DPH6: variants seen among roughly 807,000 people sequenced by gnomAD.
DPH6 encodes the protein diphthine--ammonia ligase.
A neutral mutation model predicts 38.2 loss-of-function variants in DPH6; 33 were observed. The ratio of observed to expected loss-of-function variants is 0.86; its 90% confidence interval spans 0.65 to 1.15. The LOEUF is 1.15. DPH6 is among the 50% of genes most tolerant of loss of function. DPH6 has a pLI of 0.00. For synonymous variants in DPH6, 108 were observed against 103.0 expected (o/e 1.05, Z -0.30); for missense variants, 325 against 320.0 (o/e 1.02, Z -0.12).
At chr15:35,276,382 T>C (rs536190609) in intron 3 of DPH6, among the ~76,000 whole-genome samples, 4 of 152,348 alleles carry the variant, frequency 2.6e-5, no homozygotes, top group African/African-American at 7.2e-5. Context: ...ACTCTGTGGG[T>C]TGTCTGTTTA....
At chr15:35,164,686 C>T in the DPH6 span, among the ~76,000 whole-genome samples, 3 of 151,768 alleles carry the variant, frequency 2.0e-5, no homozygotes, top group Admixed American at 6.6e-5. Flanking sequence ...TACCCTATGC[C>T]TTTGGCTTAG....
chr15:35,506,695 A>G (rs1329084764), intron 3 of DPH6, among the ~76,000 whole-genome samples: 3 of 152,304 alleles, frequency 2.0e-5, no homozygotes, highest in Non-Finnish European at 4.4e-5. Context: ...ACTGTAGCTC[A>G]TTGTCATGAT....
At chr15:35,376,205 C>T (rs1754033884) in intron 7 of DPH6, among the ~76,000 whole-genome samples, 1 of 152,136 alleles carries the variant, frequency 6.6e-6, no homozygotes, top group African/African-American at 2.4e-5. Flanking sequence ...TGTTCTACCC[C>T]ACCCTGAGCT....
chr15:35,185,724 CTT>C, the DPH6 span, among the ~76,000 whole-genome samples: 311 of 82,974 alleles, frequency 3.7e-3, no homozygotes, highest in African/African-American at 8.6e-3. Flanking sequence ...CCAATCCACT[CTT>C]TTTTTTTTTT....
the DPH6 span, among the ~76,000 whole-genome samples, chr15:35,158,976 C>G: frequency 2.6e-5 from 4 of 152,120 alleles, no homozygotes; most frequent in Non-Finnish European, 4.4e-5. Context: ...ACTCACTGGT[C>G]TCATCTTAAA....
chr15:35,364,910 G>C (rs1400941969), intron 3 of DPH6, among the ~76,000 whole-genome samples: 2 of 151,670 alleles, frequency 1.3e-5, no homozygotes, highest in Non-Finnish European at 2.9e-5. Flanking sequence ...ATGTATTTTT[G>C]AGCTTCTCAC....
intron 3 of DPH6, among the ~76,000 whole-genome samples, chr15:35,272,666 T>C (rs1213401651): frequency 6.6e-6 from 1 of 152,048 alleles, no homozygotes; most frequent in Admixed American, 6.5e-5. Flanking sequence ...CCTAGCACTT[T>C]GGGAGGCCGA....
intron 3 of DPH6, among the ~76,000 whole-genome samples, chr15:35,255,752 A>C (rs1313116910): frequency 6.6e-6 from 1 of 152,188 alleles, no homozygotes; most frequent in Admixed American, 6.5e-5. Flanking sequence ...GCACACTGTT[A>C]AATAACAAAA....
At chr15:35,324,009 G>GA (rs1171046573) in intron 3 of DPH6, among the ~76,000 whole-genome samples, 1 of 152,178 alleles carries the variant, frequency 6.6e-6, no homozygotes, top group Non-Finnish European at 1.5e-5. Context: ...GGGTAAAGCA[G>GA]AGGCATCAAA....
At chr15:35,291,424 C>T (rs1595463508) in intron 3 of DPH6, among the ~76,000 whole-genome samples, 1 of 151,244 alleles carries the variant, frequency 6.6e-6, no homozygotes, top group East Asian at 1.9e-4. Flanking sequence ...AAATAAGCAT[C>T]ACATAAACCA....
chr15:35,152,518 A>C, the DPH6 span, among the ~76,000 whole-genome samples: 1 of 152,140 alleles, frequency 6.6e-6, no homozygotes, highest in African/African-American at 2.4e-5. Context: ...TATTTTTTTG[A>C]GATGGAGTTC....
chr15:35,373,646 C>T (rs374900471), intron 7 of DPH6, 38 bp from the exon 8 acceptor site: 3 of 1,550,910 alleles, frequency 1.9e-6, no homozygotes, highest in Non-Finnish European at 2.6e-6. Flanking sequence ...TTATATGCTA[C>T]AAAAATTGTG....
chr15:35,182,220 A>ATTTTTT, the DPH6 span, among the ~76,000 whole-genome samples: 17 of 86,034 alleles, frequency 2.0e-4, 1 homozygote, highest in African/African-American at 3.1e-4. Flanking sequence ...AACTCTAAGA[A>ATTTTTT]TTTTTTTTTT....
intron 3 of DPH6, among the ~76,000 whole-genome samples, chr15:35,259,271 A>G (rs1198797375): frequency 1.3e-5 from 2 of 152,122 alleles, no homozygotes; most frequent in Non-Finnish European, 1.5e-5. Context: ...TCCTTACCAC[A>G]CTTTTCTTGA....
At chr15:35,364,394 G>A (rs922628861) in intron 3 of DPH6, among the ~76,000 whole-genome samples, 1 of 151,650 alleles carries the variant, frequency 6.6e-6, no homozygotes, top group Admixed American at 6.6e-5. Context: ...TCTTTATTTA[G>A]ACTGTGTCAT....
At chr15:35,318,719 C>CT (rs1477869225) in intron 3 of DPH6, among the ~76,000 whole-genome samples, 1 of 152,114 alleles carries the variant, frequency 6.6e-6, no homozygotes, top group Non-Finnish European at 1.5e-5. Flanking sequence ...CACTAGAAGT[C>CT]TTCTACTGCA....
chr15:35,173,235 G>A, the DPH6 span, among the ~76,000 whole-genome samples: 1 of 152,048 alleles, frequency 6.6e-6, no homozygotes, highest in Non-Finnish European at 1.5e-5. Context: ...TTTCACCTTG[G>A]GAAATGTCAA....
At chr15:35,501,742 G>A (rs2054630710) in intron 3 of DPH6, among the ~76,000 whole-genome samples, 1 of 151,990 alleles carries the variant, frequency 6.6e-6, no homozygotes, top group Admixed American at 6.6e-5. Flanking sequence ...TACCTTTCTA[G>A]AGAAAATGTA....
At chr15:35,383,951 C>T (rs901099401) in intron 6 of DPH6, among the ~76,000 whole-genome samples, 12 of 152,190 alleles carry the variant, frequency 7.9e-5, no homozygotes, top group African/African-American at 2.4e-4. Flanking sequence ...AAAAGCATGA[C>T]GTATGCATGT....
Sources: allele counts gnomAD v4.1 joint callset (sites outside exome capture counted in the v4.1 genomes callset), GRCh38; gene constraint gnomAD v4.1.1; transcripts MANE v1.5; gene names NCBI Gene and HGNC (gene_info 2026-07-23, HGNC 2026-07-21).